FNDC3A: variants seen among roughly 807,000 people sequenced by gnomAD.
FNDC3A encodes fibronectin type III domain containing 3A, also known as fibronectin type-III domain-containing protein 3A.
Under a neutral mutation model 148.9 loss-of-function variants are expected in FNDC3A, and 32 were observed. The observed-to-expected ratio is 0.21, with a 90% CI of 0.16 to 0.29. The LOEUF is 0.29. FNDC3A is among the 10% of genes least tolerant of loss of function. The pLI is 1.00. For synonymous variants in FNDC3A, 472 were observed against 473.6 expected (o/e 1.00, Z 0.04); for missense variants, 1,191 against 1,452.8 (o/e 0.82, Z 2.93).
At chr13:49,110,423 T>TCGAACA (rs1330112514) in intron 3 of FNDC3A, 1 of 1,494,148 alleles carries the variant, frequency 6.7e-7, no homozygotes, top group Non-Finnish European at 9.3e-7. Flanking sequence ...TTTGCTGTTT[T>TCGAACA]CGAACATTCT....
chr13:49,111,924 A>G (rs1050458671), intron 3 of FNDC3A, among the ~76,000 whole-genome samples: 2 of 152,190 alleles, frequency 1.3e-5, no homozygotes, highest in Non-Finnish European at 2.9e-5. Context: ...AGATATAATT[A>G]AAAAACAAAG....
chr13:49,137,310 A>G (rs1489401874), intron 6 of FNDC3A, among the ~76,000 whole-genome samples: 1 of 151,540 alleles, frequency 6.6e-6, no homozygotes, highest in Non-Finnish European at 1.5e-5. Flanking sequence ...CTAACCTCTG[A>G]CTTCTACTCT....
intron 8 of FNDC3A, among the ~76,000 whole-genome samples, chr13:49,149,066 T>C (rs1466137414): frequency 6.6e-6 from 1 of 152,174 alleles, no homozygotes; most frequent in African/African-American, 2.4e-5. Context: ...ATCCTGCAAC[T>C]TACTGAATTT....
At position 49,032,668 on chromosome 13, in the gene FNDC3A, G is replaced by A. The variant is rs367824869; in HGVS notation, c.99+26379G>A. ...GGAGAATGGCGTGAACCCGGGAGGC[G>A]GAGCTTGCAGTGAGCCGAGACCGCG... On this transcript the variant is annotated intron_variant, in intron 2 of 25. Coordinates refer to ENST00000492622, the MANE Select transcript of FNDC3A (RefSeq NM_001079673.2). Among the ~76,000 whole-genome samples the A allele has an allele frequency of 1.0e-3, 152 of 152,130 alleles. 2 individuals carry two copies. In the South Asian group the frequency reaches 0.03, roughly 31 times the overall value.
chr13:49,016,723 C>T (rs1471999230), intron 2 of FNDC3A, among the ~76,000 whole-genome samples: 30 of 152,040 alleles, frequency 2.0e-4, no homozygotes, highest in East Asian at 5.8e-4. Context: ...TTTCCTGCTT[C>T]CTCTTGTGGG....
chr13:49,203,029 C>G, intron 24 of FNDC3A, 128 bp from the exon 25 acceptor site: 1 of 668,968 alleles, frequency 1.5e-6, no homozygotes, highest in Non-Finnish European at 2.4e-6. Context: ...CAAAAATTCA[C>G]TGATACTTAT....
intron 2 of FNDC3A, 136 bp from the exon 3 acceptor site, chr13:49,075,153 G>T (rs967971441): frequency 2.1e-6 from 1 of 469,924 alleles, no homozygotes; most frequent in Non-Finnish European, 3.9e-6. Context: ...TAGCAAACCA[G>T]CATCTTAAAT....
chr13:49,162,311 T>G (rs1435298424), intron 8 of FNDC3A, among the ~76,000 whole-genome samples: 1 of 152,214 alleles, frequency 6.6e-6, no homozygotes, highest in Admixed American at 6.5e-5. Flanking sequence ...CGTTTCTTTT[T>G]ACTCTTTTTT....
At chr13:49,187,288 G>T in intron 16 of FNDC3A, 98 bp downstream of exon 16, 3 of 1,021,588 alleles carry the variant, frequency 2.9e-6, no homozygotes, top group Non-Finnish European at 4.4e-6. Context: ...CTTTCTTCTT[G>T]CTTTTCATAA....
chr13:49,057,652 AT>A (rs1254741528), intron 2 of FNDC3A, among the ~76,000 whole-genome samples: 1 of 152,176 alleles, frequency 6.6e-6, no homozygotes, highest in African/African-American at 2.4e-5. Flanking sequence ...TATACTTTTA[AT>A]GCATTAGTTT....
In FNDC3A at chr13:48,976,111, C is replaced by T. The variant is rs1381852476; in HGVS notation, c.-106C>T. The T allele has an allele frequency of 6.6e-6, 1 of 152,216 alleles. No individual in the cohort carries two copies. Among genetic ancestry groups the T allele is most frequent in the East Asian group, 1.9e-4 (1 of 5,148 alleles). 9.4% of individuals were successfully genotyped at this position (152,216 alleles called of 1,614,324 possible). ...CTCTGCAGCTGAGGTAGAGAGACAACGATCAGGAACCCTAAGAAGAGGCGC... is the reference window on the plus strand; with the variant it reads ...CTCTGCAGCTGAGGTAGAGAGACAATGATCAGGAACCCTAAGAAGAGGCGC... On this transcript the variant is annotated 5_prime_UTR_variant, in exon 1 of 26. In the 5' UTR this introduces an upstream ATG that the reference lacks. Transcript: ENST00000492622.
At chr13:48,982,087 G>A (rs565216996) in intron 1 of FNDC3A, among the ~76,000 whole-genome samples, 5 of 152,076 alleles carry the variant, frequency 3.3e-5, no homozygotes, top group East Asian at 3.9e-4. Context: ...AAGTAATTAC[G>A]TGCTTTGCTT....
chr13:49,064,059 G>T (rs546614481), intron 2 of FNDC3A, among the ~76,000 whole-genome samples: 1 of 152,194 alleles, frequency 6.6e-6, no homozygotes, highest in African/African-American at 2.4e-5. Flanking sequence ...ATAGTCTGTG[G>T]AGGCCAGGCG....
In FNDC3A at chr13:49,113,995, C is replaced by G. The variant is rs1235477498; in HGVS notation, c.176-660C>G. On this transcript the variant is annotated intron_variant, in intron 3 of 25. Transcript: ENST00000492622. ...TGTAGAGTGAGAGAAGCTGAATTTT[C>G]TTTTTTAGAACTTTTTAGTGTGAGA... 2.0e-5 allele frequency among the ~76,000 whole-genome samples: 3 copies of G among 151,256 alleles called. No homozygotes were observed. In the South Asian group the frequency reaches 6.3e-4, roughly 32 times the overall value.
At chr13:49,172,784 T>C (rs892583719) in intron 11 of FNDC3A, among the ~76,000 whole-genome samples, 5 of 152,148 alleles carry the variant, frequency 3.3e-5, no homozygotes, top group Non-Finnish European at 5.9e-5. Context: ...TATTCACAGG[T>C]TCAGGGGATT....
At chr13:48,994,939 G>A (rs1566179491) in intron 1 of FNDC3A, among the ~76,000 whole-genome samples, 1 of 152,216 alleles carries the variant, frequency 6.6e-6, no homozygotes, top group East Asian at 1.9e-4. Flanking sequence ...TGTTTACATT[G>A]GTGTATGTTT....
intron 2 of FNDC3A, among the ~76,000 whole-genome samples, chr13:49,025,022 T>C (rs1873599356): frequency 6.6e-6 from 1 of 152,074 alleles, no homozygotes; most frequent in Non-Finnish European, 1.5e-5. Flanking sequence ...AATAGCTTTT[T>C]TGTGCTTGCT....
At chr13:49,082,835 T>C (rs961020439) in intron 3 of FNDC3A, among the ~76,000 whole-genome samples, 2 of 151,960 alleles carry the variant, frequency 1.3e-5, no homozygotes, top group Non-Finnish European at 2.9e-5. Flanking sequence ...CAAGAAGGTA[T>C]GTAGTGTGGC....
chr13:49,180,233 T>C (rs1885236058), intron 14 of FNDC3A, among the ~76,000 whole-genome samples: 1 of 152,196 alleles, frequency 6.6e-6, no homozygotes, highest in African/African-American at 2.4e-5. Context: ...AACATTTAAA[T>C]TTTCCTGCCA....
Sources: gnomAD v4.1 joint callset for allele counts (sites outside exome capture counted in the v4.1 genomes callset) on GRCh38, gnomAD v4.1.1 for gene constraint, MANE v1.5 for transcripts, NCBI Gene and HGNC (gene_info 2026-07-23, HGNC 2026-07-21) for gene names.